SLC4A10: variants seen among roughly 807,000 people sequenced by gnomAD.
The protein encoded by SLC4A10 is solute carrier family 4 member 10.
Under a neutral mutation model 137.7 loss-of-function variants are expected in SLC4A10, and 42 were observed. The ratio of observed to expected loss-of-function variants is 0.30; its 90% CI spans 0.24 to 0.39. SLC4A10 has a LOEUF of 0.39. SLC4A10 is among the 10% of genes least tolerant of loss of function. SLC4A10 has a pLI of 1.00. For synonymous variants in SLC4A10, 474 were observed against 464.1 expected (o/e 1.02, Z -0.27); for missense variants, 925 against 1,355.0 (o/e 0.68, Z 4.98).
chr2:161,867,508 A>C (rs909259440), intron 6 of SLC4A10, among the ~76,000 whole-genome samples: 5 of 152,022 alleles, frequency 3.3e-5, no homozygotes, highest in African/African-American at 9.7e-5. Context: ...GCTCCAAGAA[A>C]ATCAAGATGA....
chr2:161,953,729 G>A (rs976795120), intron 19 of SLC4A10, among the ~76,000 whole-genome samples: 2 of 152,114 alleles, frequency 1.3e-5, no homozygotes, highest in Admixed American at 6.5e-5. Flanking sequence ...AGTAAACCTC[G>A]AACTCATTGC....
intron 15 of SLC4A10, among the ~76,000 whole-genome samples, chr2:161,930,904 T>TTTTTGTTTTGTTTTGTTTTGTTTTG (rs370252753): frequency 1.4e-5 from 2 of 148,060 alleles, no homozygotes; most frequent in South Asian, 2.2e-4. Context: ...CTGCCACATG[T>TTTTTGTTTTGTTTTGTTTTGTTTTG]TTTTGTTTTG....
intron 1 of SLC4A10, among the ~76,000 whole-genome samples, chr2:161,646,208 T>C (rs536190873): frequency 1.3e-5 from 2 of 152,140 alleles, no homozygotes; most frequent in Non-Finnish European, 2.9e-5. Context: ...AGATTCAGAA[T>C]CAGGCTAGAG....
chr2:161,973,361 T>C (rs952387772), intron 23 of SLC4A10, among the ~76,000 whole-genome samples: 3 of 152,192 alleles, frequency 2.0e-5, no homozygotes, highest in Non-Finnish European at 1.5e-5. Context: ...AGTTTGATGA[T>C]AACATTATTT....
At chr2:161,957,847 T>C (rs1215553259) in intron 20 of SLC4A10, among the ~76,000 whole-genome samples, 1 of 152,206 alleles carries the variant, frequency 6.6e-6, no homozygotes, top group Non-Finnish European at 1.5e-5. Context: ...TCAATTGCGC[T>C]ATAAATTACA....
chr2:161,759,181 C>G (rs1463269340), intron 1 of SLC4A10, among the ~76,000 whole-genome samples: 1 of 151,792 alleles, frequency 6.6e-6, no homozygotes, highest in African/African-American at 2.4e-5. Context: ...AAGTGTCTTT[C>G]CCCAGCTTTA....
chr2:161,837,250 T>C (rs1039230411), intron 3 of SLC4A10, among the ~76,000 whole-genome samples: 2 of 152,158 alleles, frequency 1.3e-5, no homozygotes, highest in Non-Finnish European at 2.9e-5. Flanking sequence ...GTAAGTTTAA[T>C]AAGGTTGAAG....
chr2:161,762,226 T>C (rs2050320751), intron 1 of SLC4A10, among the ~76,000 whole-genome samples: 1 of 152,124 alleles, frequency 6.6e-6, no homozygotes, highest in Non-Finnish European at 1.5e-5. Flanking sequence ...ACTTGTATTA[T>C]CATGAGATGG....
At chr2:161,938,946 A>AT in intron 15 of SLC4A10, among the ~76,000 whole-genome samples, 1 of 152,278 alleles carries the variant, frequency 6.6e-6, no homozygotes, top group East Asian at 1.9e-4. Flanking sequence ...TTTTAACAAA[A>AT]TTTTTTAAAA....
chr2:161,722,690 C>A (rs1369205274), intron 1 of SLC4A10, among the ~76,000 whole-genome samples: 1 of 152,184 alleles, frequency 6.6e-6, no homozygotes, highest in Non-Finnish European at 1.5e-5. Flanking sequence ...ACTCTGGCTA[C>A]CCCTTGGCAG....
chr2:161,755,301 AT>A (rs2049490846), intron 1 of SLC4A10, among the ~76,000 whole-genome samples: 1 of 152,140 alleles, frequency 6.6e-6, no homozygotes. Flanking sequence ...TCATTATTTC[AT>A]TTGGTATGTG....
Position 161,964,126 on chromosome 2 carries a change from A to C in SLC4A10, c.2863-9A>C, listed in dbSNP as rs756068568. ...ACCTAAAAACAATTTAGTCTGTTTAATCTTTTAGTTCTTTGATAGGATAAA... is the reference window on the plus strand; with the variant it reads ...ACCTAAAAACAATTTAGTCTGTTTACTCTTTTAGTTCTTTGATAGGATAAA... On this transcript the variant is annotated splice_polypyrimidine_tract_variant and intron_variant, in intron 21 of 26. Coordinates refer to ENST00000446997, the MANE Select transcript of SLC4A10 (RefSeq NM_001178015.2). 1.3e-6 allele frequency: 2 copies of C among 1,586,106 alleles called. No homozygotes were observed. Among genetic ancestry groups the C allele is most frequent in the Non-Finnish European group, 1.7e-6 (2 of 1,165,044 alleles).
intron 3 of SLC4A10, among the ~76,000 whole-genome samples, chr2:161,835,845 G>A (rs76534295): frequency 0.015 from 2,331 of 152,310 alleles, 63 homozygotes; most frequent in African/African-American, 0.054. Context: ...ACATGGCTTT[G>A]TAAGGGAAAC....
chr2:161,915,562 T>C (rs559679814), intron 15 of SLC4A10, among the ~76,000 whole-genome samples: 29 of 152,320 alleles, frequency 1.9e-4, no homozygotes, highest in African/African-American at 6.5e-4. Flanking sequence ...TGTCTGTGGA[T>C]GGTGGAGATA....
intron 1 of SLC4A10, among the ~76,000 whole-genome samples, chr2:161,650,295 C>A (rs1467022076): frequency 1.3e-5 from 2 of 152,244 alleles, no homozygotes; most frequent in Non-Finnish European, 2.9e-5. Flanking sequence ...GGGAAGAACA[C>A]CACAAAGGTG....
intron 11 of SLC4A10, among the ~76,000 whole-genome samples, chr2:161,897,255 G>C (rs2063598882): frequency 6.6e-6 from 1 of 152,044 alleles, no homozygotes; most frequent in African/African-American, 2.4e-5. Flanking sequence ...TGAGTATTAA[G>C]AGTGATGACC....
Position 161,985,087 on chromosome 2 carries a change from A to C in SLC4A10, c.*1935A>C, listed in dbSNP as rs1292415854. ...TTTTGAAATCATATAAAATATAATA[A>C]AAATGTAGTATTATATATTTACTTC... On this transcript the variant is annotated 3_prime_UTR_variant, in exon 27 of 27. Transcript: ENST00000446997. The C allele has an allele frequency of 6.6e-6, 1 of 152,020 alleles. No homozygotes were observed. The highest frequency in any genetic ancestry group is 2.4e-5 in the African/African-American group (1 of 41,438). 9.4% of individuals were successfully genotyped at this position (152,020 alleles called of 1,614,324 possible). A position where few individuals can be genotyped will look rare whatever the true frequency, so the allele number is the denominator to read the frequency against.
intron 3 of SLC4A10, among the ~76,000 whole-genome samples, chr2:161,822,514 A>T (rs2057707743): frequency 6.6e-6 from 1 of 152,180 alleles, no homozygotes. Context: ...GGCTATTCAA[A>T]GTACTGATAT....
At chr2:161,695,479 T>A (rs1410360517) in intron 1 of SLC4A10, among the ~76,000 whole-genome samples, 2 of 152,086 alleles carry the variant, frequency 1.3e-5, no homozygotes, top group East Asian at 3.8e-4. Flanking sequence ...TTCTCCTTGG[T>A]CATCTTCTCA....
Sources: gnomAD v4.1 joint callset for allele counts (sites outside exome capture counted in the v4.1 genomes callset) on GRCh38, gnomAD v4.1.1 for gene constraint, MANE v1.5 for transcripts, NCBI Gene and HGNC (gene_info 2026-07-23, HGNC 2026-07-21) for gene names.